Variants in SOX6 observed in about 807,000 individuals in gnomAD.
SOX6 encodes SRY-box transcription factor 6.
SOX6 carries 11 observed loss-of-function variants against 97.8 expected under a neutral mutation model. That is an observed-to-expected ratio of 0.11 (90% CI 0.07 to 0.19). The LOEUF (loss-of-function observed/expected upper bound fraction) is 0.19. Ranked by LOEUF, SOX6 falls within the 10% of genes least tolerant of loss-of-function variation. SOX6 has a pLI of 1.00. For missense variants in SOX6, 810 were observed against 1,039.5 expected (o/e 0.78, Z 3.04); for synonymous variants, 360 against 371.4 (o/e 0.97, Z 0.35).
At chr11:15,998,999 A>T (rs1343542761) in intron 13 of SOX6, among the ~76,000 whole-genome samples, 2 of 152,164 alleles carry the variant, frequency 1.3e-5, no homozygotes, top group African/African-American at 4.8e-5. Context: ...CATACTGGAA[A>T]AAATATTTGG....
At chr11:16,717,172 G>A (rs1848225193) in intron 2 of SOX6, among the ~76,000 whole-genome samples, 1 of 151,976 alleles carries the variant, frequency 6.6e-6, no homozygotes, top group Non-Finnish European at 1.5e-5. Flanking sequence ...TTTTAAATGT[G>A]GTTTTATCCT....
chr11:16,398,030 A>G (rs1440926572), intron 1 of SOX6, among the ~76,000 whole-genome samples: 1 of 151,572 alleles, frequency 6.6e-6, no homozygotes, highest in East Asian at 1.9e-4. Context: ...AATAAATGTC[A>G]TCCCAGGCTT....
intron 4 of SOX6, among the ~76,000 whole-genome samples, chr11:16,487,768 C>T (rs974879604): frequency 6.6e-6 from 1 of 152,048 alleles, no homozygotes; most frequent in Non-Finnish European, 1.5e-5. Flanking sequence ...AATTTTAATC[C>T]TCATTTTTTA....
intron 3 of SOX6, among the ~76,000 whole-genome samples, chr11:16,631,160 G>A (rs1001342643): frequency 6.6e-6 from 1 of 151,618 alleles, no homozygotes; most frequent in African/African-American, 2.4e-5. Context: ...TTTCTATTGC[G>A]TGGTTGCTTT....
intron 12 of SOX6, among the ~76,000 whole-genome samples, chr11:16,030,351 A>T (rs763720729): frequency 4.6e-5 from 7 of 152,222 alleles, no homozygotes; most frequent in Admixed American, 2.0e-4. Flanking sequence ...TGACAATTAT[A>T]GTTTCTCAAC....
At chr11:15,986,442 A>T (rs1337236431) in intron 14 of SOX6, 22 bp from the exon 15 acceptor site, 1 of 1,612,366 alleles carries the variant, frequency 6.2e-7, no homozygotes, top group Admixed American at 1.7e-5. Flanking sequence ...AATAGCCTTA[A>T]GTACCCAAGT....
intron 4 of SOX6, among the ~76,000 whole-genome samples, chr11:16,569,963 C>T (rs1847920084): frequency 6.6e-6 from 1 of 150,798 alleles, no homozygotes; most frequent in South Asian, 2.1e-4. Flanking sequence ...ATAATTATAA[C>T]CAGTTAATAT....
chr11:16,660,576 G>A (rs1847758642), intron 3 of SOX6, among the ~76,000 whole-genome samples: 1 of 152,196 alleles, frequency 6.6e-6, no homozygotes, highest in South Asian at 2.1e-4. Context: ...ATTGAATGAA[G>A]TATTCTCTAA....
At chr11:16,024,944 G>A (rs981657718) in intron 12 of SOX6, among the ~76,000 whole-genome samples, 1 of 152,078 alleles carries the variant, frequency 6.6e-6, no homozygotes, top group Non-Finnish European at 1.5e-5. Flanking sequence ...GACATCTCCT[G>A]TAACACACAT....
At chr11:16,361,097 T>A (rs781074730), upstream of SOX6, among the ~76,000 whole-genome samples, 7 of 152,210 alleles carry the variant, frequency 4.6e-5, no homozygotes, top group Admixed American at 1.3e-4. Flanking sequence ...ATATATTCAA[T>A]CCTTATAAAA....
At position 16,076,233 on chromosome 11, in the gene SOX6, T is replaced by C. The variant is rs930564075; in HGVS notation, c.1101+19763A>G. ...TTTAATGACGAAGATACCAAAGCAA[T>C]TGCAACAAAAACAAAAAATGACAAA... is the stretch of plus-strand genomic sequence containing the variant. On this transcript the variant is annotated intron_variant, in intron 9 of 15. Transcript: ENST00000683767. 2.6e-5 allele frequency among the ~76,000 whole-genome samples: 4 copies of C among 151,798 alleles called. No individual in the cohort carries two copies. The East Asian group carries it at 5.8e-4, about 22-fold the overall frequency.
intron 4 of SOX6, among the ~76,000 whole-genome samples, chr11:16,563,219 TAAA>T (rs1304804726): frequency 6.6e-6 from 1 of 151,208 alleles, no homozygotes; most frequent in Admixed American, 6.6e-5. Flanking sequence ...GTAGAAAACA[TAAA>T]GAAGAACCAA....
chr11:16,141,809 G>A (rs1850150315), intron 6 of SOX6, among the ~76,000 whole-genome samples: 1 of 152,106 alleles, frequency 6.6e-6, no homozygotes, highest in South Asian at 2.1e-4. Context: ...CTGGGGGAGG[G>A]GTGCCTGCCA....
At chr11:16,677,905 T>A (rs1847897117) in intron 3 of SOX6, among the ~76,000 whole-genome samples, 1 of 152,214 alleles carries the variant, frequency 6.6e-6, no homozygotes, top group South Asian at 2.1e-4. Flanking sequence ...AGGTTATTCA[T>A]TTCTTCTTAA....
chr11:16,164,018 G>A lies in SOX6; in HGVS notation c.777+19868C>T, dbSNP rs757828222. Among the ~76,000 whole-genome samples the A allele has an allele frequency of 8.5e-5, 13 of 152,180 alleles. No individual in the cohort carries two copies. In the South Asian group the frequency reaches 1.5e-3, roughly 17 times the overall value. ...TGTTTTGTTTTTGAGGCAAGGTCTCGCTCTGTCACCCAGTTTGGAGAGCTG... is the reference window on the plus strand; with the variant it reads ...TGTTTTGTTTTTGAGGCAAGGTCTCACTCTGTCACCCAGTTTGGAGAGCTG... On this transcript the variant is annotated intron_variant, in intron 6 of 15. Coordinates refer to ENST00000683767, the MANE Select transcript of SOX6 (RefSeq NM_001367873.1).
At chr11:16,687,048 G>A (rs970705135) in intron 3 of SOX6, among the ~76,000 whole-genome samples, 11 of 152,076 alleles carry the variant, frequency 7.2e-5, no homozygotes, top group South Asian at 2.1e-4. Flanking sequence ...TCACTTGAAC[G>A]TGAGAGGCAG....
chr11:16,217,991 C>T (rs549657874), intron 4 of SOX6, among the ~76,000 whole-genome samples: 3 of 151,992 alleles, frequency 2.0e-5, no homozygotes, highest in East Asian at 1.9e-4. Context: ...AGGGGGTTAG[C>T]GGGTGTTGAT....
chr11:16,583,465 A>G (rs1848049310), intron 4 of SOX6, among the ~76,000 whole-genome samples: 1 of 151,038 alleles, frequency 6.6e-6, no homozygotes, highest in East Asian at 1.9e-4. Flanking sequence ...GCCTCTAGTA[A>G]CCACTATTCT....
intron 1 of SOX6, among the ~76,000 whole-genome samples, chr11:16,737,683 G>A (rs1043517191): frequency 3.9e-5 from 6 of 152,096 alleles, no homozygotes; most frequent in African/African-American, 1.4e-4. Flanking sequence ...TTTAAATGCA[G>A]GGCTTTTTGA....
Sources: gnomAD v4.1 joint callset for allele counts (sites outside exome capture counted in the v4.1 genomes callset) on GRCh38, gnomAD v4.1.1 for gene constraint, MANE v1.5 for transcripts, NCBI Gene and HGNC (gene_info 2026-07-23, HGNC 2026-07-21) for gene names.